ELF1: variants seen among roughly 807,000 people sequenced by gnomAD.
ELF1 encodes E74 like ETS transcription factor 1.
In ELF1, 24 loss-of-function variants were observed where a neutral mutation model predicts 59.9. The ratio of observed to expected loss-of-function variants is 0.40; its 90% CI spans 0.29 to 0.56. The LOEUF is 0.56. Among genes scored for constraint, ELF1 ranks in the 20% least tolerant of loss-of-function variants. ELF1 has a pLI of 0.44. For synonymous variants in ELF1, 248 were observed against 266.2 expected (o/e 0.93, Z 0.67); for missense variants, 627 against 742.2 (o/e 0.84, Z 1.80).
Position 40,933,375 on chromosome 13 carries a change from T to C in ELF1, c.*50A>G. ...TTAGAATCAGTCAGTCTGCATATAA[T>C]TGAAAATGTTCAATTAACAAACAAT... On this transcript the variant is annotated 3_prime_UTR_variant, in exon 9 of 9. Coordinates refer to ENST00000239882, the MANE Select transcript of ELF1 (RefSeq NM_172373.4). 6.4e-7 allele frequency: 1 copy of C among 1,560,728 alleles called. No homozygotes were observed. The highest frequency in any genetic ancestry group is 1.2e-5 in the South Asian group (1 of 81,446).
chr13:40,973,634 C>T (rs750709052), intron 2 of ELF1, among the ~76,000 whole-genome samples: 1 of 149,748 alleles, frequency 6.7e-6, no homozygotes, highest in Admixed American at 6.7e-5. Context: ...AACAGAGGTG[C>T]TAATTTCCTT....
chr13:41,060,935 C>T (rs1339315016), exon 1 of ELF1: 2 of 370,722 alleles, frequency 5.4e-6, no homozygotes, highest in African/African-American at 2.2e-5. Context: ...CCGCCGCCGC[C>T]GCCGCCGCCG....
chr13:40,966,933 C>T (rs1872211620), intron 2 of ELF1, among the ~76,000 whole-genome samples: 1 of 152,240 alleles, frequency 6.6e-6, no homozygotes, highest in Non-Finnish European at 1.5e-5. Context: ...CACGCAACAT[C>T]TTTGCATCAA....
chr13:41,046,348 G>T (rs1371846929), intron 1 of ELF1, among the ~76,000 whole-genome samples: 1 of 152,172 alleles, frequency 6.6e-6, no homozygotes, highest in Non-Finnish European at 1.5e-5. Flanking sequence ...TGGTTATTTT[G>T]CTTGTTAGTT....
intron 2 of ELF1, among the ~76,000 whole-genome samples, chr13:40,977,024 C>G (rs1476555926): frequency 6.6e-6 from 1 of 151,964 alleles, no homozygotes; most frequent in South Asian, 2.1e-4. Context: ...CTATTAAACA[C>G]AAATATGATT....
intron 5 of ELF1, among the ~76,000 whole-genome samples, chr13:40,944,493 G>A (rs1870381862): frequency 6.6e-6 from 1 of 152,146 alleles, no homozygotes; most frequent in Non-Finnish European, 1.5e-5. Context: ...ATCCTCCTGT[G>A]TATTTCTAAA....
intron 7 of ELF1, among the ~76,000 whole-genome samples, chr13:40,941,871 C>G (rs1289597340): frequency 6.6e-6 from 1 of 152,080 alleles, no homozygotes; most frequent in Non-Finnish European, 1.5e-5. Context: ...GTTGCCCAGG[C>G]TGATCTGGAA....
chr13:40,946,941 G>A (rs1237542774), intron 5 of ELF1, among the ~76,000 whole-genome samples: 1 of 152,050 alleles, frequency 6.6e-6, no homozygotes, highest in Non-Finnish European at 1.5e-5. Flanking sequence ...ATTGTTTGGG[G>A]GTAAACTGTA....
At chr13:41,004,722 G>T (rs750372125) in intron 1 of ELF1, among the ~76,000 whole-genome samples, 2 of 152,036 alleles carry the variant, frequency 1.3e-5, no homozygotes, top group African/African-American at 2.4e-5. Context: ...ATATTTCATA[G>T]TGAATTTATA....
At chr13:41,007,729 CATTT>C (rs1480014902) in intron 1 of ELF1, among the ~76,000 whole-genome samples, 1 of 152,126 alleles carries the variant, frequency 6.6e-6, no homozygotes, top group African/African-American at 2.4e-5. Flanking sequence ...TTCCATATAA[CATTT>C]ATTTAATCAA....
intron 5 of ELF1, among the ~76,000 whole-genome samples, chr13:40,945,604 T>C (rs1255109976): frequency 2.0e-5 from 3 of 152,220 alleles, no homozygotes; most frequent in Admixed American, 6.5e-5. Context: ...TTCACAATGC[T>C]GAGGATTAAT....
At chr13:41,003,710 A>T (rs1475181457) in intron 1 of ELF1, among the ~76,000 whole-genome samples, 1 of 152,194 alleles carries the variant, frequency 6.6e-6, no homozygotes, top group East Asian at 1.9e-4. Flanking sequence ...GACCACAATG[A>T]ATGGCTAGAC....
At chr13:40,951,649 T>C (rs1214776910) in intron 3 of ELF1, 6 of 328,584 alleles carry the variant, frequency 1.8e-5, no homozygotes, top group African/African-American at 4.3e-5. Flanking sequence ...GGCAAGCAGA[T>C]TGCTTGAGGT....
intron 8 of ELF1, among the ~76,000 whole-genome samples, chr13:40,937,004 G>A (rs1215466539): frequency 6.6e-6 from 1 of 152,134 alleles, no homozygotes; most frequent in Admixed American, 6.5e-5. Flanking sequence ...GTCAGAAAAT[G>A]CATACACTTA....
At chr13:41,060,543 T>C (rs1269707004) in intron 1 of ELF1, among the ~76,000 whole-genome samples, 2 of 151,914 alleles carry the variant, frequency 1.3e-5, no homozygotes. Context: ...GGAAGCGCAT[T>C]CGCTTCTCCA....
chr13:41,054,075 C>G (rs527259827), intron 1 of ELF1, among the ~76,000 whole-genome samples: 1 of 152,064 alleles, frequency 6.6e-6, no homozygotes, highest in East Asian at 1.9e-4. Context: ...ATCAGTACAA[C>G]AAAAGGGATA....
At chr13:41,005,460 AAAAAAAAAAACCTACCAC>A (rs1874690945) in intron 1 of ELF1, among the ~76,000 whole-genome samples, 2 of 151,218 alleles carry the variant, frequency 1.3e-5, no homozygotes, top group Non-Finnish European at 3.0e-5. Context: ...CAAAAAAAAA[AAAAAAAAAAACCTACCAC>A]AAAAAAAAAA....
chr13:40,951,583 C>G (rs912671212), intron 3 of ELF1, 147 bp from the exon 4 acceptor site: 5 of 500,500 alleles, frequency 1.0e-5, no homozygotes, highest in African/African-American at 2.0e-5. Context: ...CAAAATCATA[C>G]CAAACCTGGC....
At chr13:40,998,903 C>A (rs1874262166) in intron 1 of ELF1, among the ~76,000 whole-genome samples, 1 of 152,148 alleles carries the variant, frequency 6.6e-6, no homozygotes, top group African/African-American at 2.4e-5. Flanking sequence ...CAAAAATTAG[C>A]TGGGCATGGT....
Sources: allele counts gnomAD v4.1 joint callset (sites outside exome capture counted in the v4.1 genomes callset), GRCh38; gene constraint gnomAD v4.1.1; transcripts MANE v1.5; gene names NCBI Gene and HGNC (gene_info 2026-07-23, HGNC 2026-07-21).